Variants in COA1 observed in about 807,000 individuals in gnomAD.
COA1 encodes cytochrome c oxidase assembly factor 1 homolog.
A neutral mutation model predicts 16.0 loss-of-function variants in COA1; 13 were observed. The ratio of observed to expected loss-of-function variants is 0.81; its 90% CI spans 0.53 to 1.29. The LOEUF (loss-of-function observed/expected upper bound fraction) is 1.29, where lower values mean the gene tolerates loss of function less well. Among genes scored for constraint, COA1 ranks in the 50% most tolerant of loss-of-function variants. The pLI is 0.00. For synonymous variants in COA1, 65 were observed against 65.7 expected (o/e 0.99, Z 0.05); for missense variants, 179 against 177.0 (o/e 1.01, Z -0.06).
chr7:43,728,306 G>C (rs1007966403), intron 1 of COA1, among the ~76,000 whole-genome samples: 1 of 152,166 alleles, frequency 6.6e-6, no homozygotes, highest in Non-Finnish European at 1.5e-5. Flanking sequence ...TGAACTATGT[G>C]TCAGGAAGCT....
At chr7:43,642,439 G>C (rs1440145793) in intron 4 of COA1, among the ~76,000 whole-genome samples, 4 of 152,070 alleles carry the variant, frequency 2.6e-5, no homozygotes, top group Admixed American at 2.0e-4. Context: ...AACAGAGCAA[G>C]GTTCCATCTC....
chr7:43,724,364 C>A (rs1312124254), intron 1 of COA1, among the ~76,000 whole-genome samples: 1 of 151,880 alleles, frequency 6.6e-6, no homozygotes, highest in East Asian at 1.9e-4. Context: ...ACCAGCCTGG[C>A]CAACATAGCA....
At chr7:43,703,547 A>C (rs888445801) in intron 1 of COA1, among the ~76,000 whole-genome samples, 1 of 152,144 alleles carries the variant, frequency 6.6e-6, no homozygotes, top group African/African-American at 2.4e-5. Context: ...GGATCATTAA[A>C]TCTTCTAGTT....
chr7:43,660,348 G>T (rs1279049329), intron 1 of COA1, among the ~76,000 whole-genome samples: 2 of 152,012 alleles, frequency 1.3e-5, no homozygotes, highest in East Asian at 3.9e-4. Flanking sequence ...CTCCACACCA[G>T]GTCTCCCCTT....
At chr7:43,691,947 C>A (rs1386657311) in intron 1 of COA1, among the ~76,000 whole-genome samples, 2 of 152,152 alleles carry the variant, frequency 1.3e-5, no homozygotes, top group Non-Finnish European at 2.9e-5. Flanking sequence ...AGGAATCGCA[C>A]CCACTTGTGC....
intron 1 of COA1, among the ~76,000 whole-genome samples, chr7:43,653,169 A>G (rs2153117433): frequency 6.6e-6 from 1 of 152,220 alleles, no homozygotes; most frequent in Admixed American, 6.5e-5. Context: ...AAAATTAGCC[A>G]GGCATAGTGG....
At chr7:43,702,519 C>T (rs992043307) in intron 1 of COA1, among the ~76,000 whole-genome samples, 1 of 152,068 alleles carries the variant, frequency 6.6e-6, no homozygotes, top group Non-Finnish European at 1.5e-5. Flanking sequence ...AGTTTGAAGT[C>T]GGATAATATG....
intron 1 of COA1, among the ~76,000 whole-genome samples, chr7:43,653,075 G>A (rs62461087): frequency 0.085 from 12,997 of 152,218 alleles, 652 homozygotes; most frequent in East Asian, 0.18. Flanking sequence ...CACTTTGGGA[G>A]GCCGAGGCGG....
At chr7:43,691,469 GAAAGAA>G (rs1253059481) in intron 1 of COA1, among the ~76,000 whole-genome samples, 2 of 134,460 alleles carry the variant, frequency 1.5e-5, no homozygotes, top group Non-Finnish European at 3.2e-5. Context: ...AAGAAAGAAA[GAAAGAA>G]AGAAATTATC....
At chr7:43,624,954 C>G in intron 6 of COA1, 2 of 984,096 alleles carry the variant, frequency 2.0e-6, no homozygotes, top group Non-Finnish European at 2.9e-6. Flanking sequence ...GTATCACTTA[C>G]ACAAACAAAA....
At chr7:43,709,481 T>G (rs1486261113) in intron 1 of COA1, among the ~76,000 whole-genome samples, 1 of 149,634 alleles carries the variant, frequency 6.7e-6, no homozygotes, top group Non-Finnish European at 1.5e-5. Context: ...TGTATACGCA[T>G]GAACATGCAT....
chr7:43,632,768 T>TGA (rs2153041971), intron 6 of COA1: 1 of 152,302 alleles, frequency 6.6e-6, no homozygotes, highest in African/African-American at 2.4e-5. Context: ...AGGCTGGTCT[T>TGA]GAACTCCTGG....
In COA1 at chr7:43,642,571, T is replaced by TA. The variant is rs944403324; in HGVS notation, c.265-1923dup. On this transcript the variant is annotated intron_variant, in intron 4 of 5. Transcript: ENST00000223336. The stretch of plus-strand genomic sequence containing the variant: ...ATACACTGAGCATCTCTGGATGCTT[T>TA]AAAAAAAAATTTAAAAAGGAAGGAG... 2.3e-3 allele frequency among the ~76,000 whole-genome samples: 343 copies of TA among 151,930 alleles called. 2 individuals carry two copies. Among genetic ancestry groups the TA allele is most frequent in the African/African-American group, 7.8e-3 (325 of 41,428 alleles).
chr7:43,702,480 C>T (rs1193565198), intron 1 of COA1, among the ~76,000 whole-genome samples: 1 of 152,078 alleles, frequency 6.6e-6, no homozygotes, highest in Non-Finnish European at 1.5e-5. Flanking sequence ...TGGTACTATG[C>T]TGTTTTGGTT....
chr7:43,639,620 G>A lies in COA1; in HGVS notation c.403C>T (p.Leu135Phe). The part of the protein sequence containing the change: ...KDGQQIPVFK[L>F]SGENGDEVKK... ...ACTTCATCACCGTTTTCCCCACTGA[G>A]CTTGAACACAGGAATCTGCTGACCA... Residue 135 changes from leucine (L) to phenylalanine (F), a missense_variant, in exon 6 of 6, where the codon CTC becomes TTC. Transcript: ENST00000223336. 6.2e-7 allele frequency: 1 copy of A among 1,614,012 alleles called. No homozygotes were observed. Among genetic ancestry groups the A allele is most frequent in the Non-Finnish European group, 8.5e-7 (1 of 1,179,952 alleles).
chr7:43,633,452 C>G (rs10951738), intron 6 of COA1: 97,141 of 152,062 alleles, frequency 0.64, 32,351 homozygotes, highest in African/African-American at 0.82. Flanking sequence ...ATTAGTGGAG[C>G]AGTCAGAACA....
rs150171733 is a variant in COA1 at position 43,672,510 on chromosome 7, G to A, written c.-38-23858C>T. Reference sequence around the variant, plus strand: ...CAACAGGCCAGGCACAGTGGCTCACGCCTGTAATCCCAACACTTTGGGAGG... The same window carrying A: ...CAACAGGCCAGGCACAGTGGCTCACACCTGTAATCCCAACACTTTGGGAGG... On this transcript the variant is annotated intron_variant, in intron 1 of 5. Coordinates refer to ENST00000223336, the MANE Select transcript of COA1 (RefSeq NM_018224.4). Among the ~76,000 whole-genome samples the A allele has an allele frequency of 5.8e-3, 881 of 152,230 alleles. 6 individuals carry two copies. The highest frequency in any genetic ancestry group is 0.02 in the African/African-American group (831 of 41,530).
rs369800416 is a variant in COA1 at position 43,661,463 on chromosome 7, G to A, written c.-38-12811C>T. Reference sequence around the variant, plus strand: ...ATTCTGGCTAACACAGTGAAACCCCGTCTCTACTAAAAATACAAAAAATTA... The same window carrying A: ...ATTCTGGCTAACACAGTGAAACCCCATCTCTACTAAAAATACAAAAAATTA... On this transcript the variant is annotated intron_variant, in intron 1 of 5. Transcript: ENST00000223336. Among the ~76,000 whole-genome samples, 88 of 152,226 alleles carry A rather than the reference G, an allele frequency of 5.8e-4. 2 individuals are homozygous for A. In the East Asian group the frequency reaches 0.013, roughly 22 times the overall value.
rs149538137 is a variant in COA1 at position 43,703,403 on chromosome 7, T to C, written c.-39+26026A>G. Among the ~76,000 whole-genome samples, 79 of 152,352 alleles carry C rather than the reference T, an allele frequency of 5.2e-4. No individual in the cohort carries two copies. In the East Asian group the frequency reaches 0.012, roughly 23 times the overall value. ...CAAATATCTTTATTAGTTTTCTGCA[T>C]TGATGCTCTAACACTGTCAGCAGGG... On this transcript the variant is annotated intron_variant, in intron 1 of 5. Coordinates refer to ENST00000223336, the MANE Select transcript of COA1 (RefSeq NM_018224.4).
Sources: allele counts gnomAD v4.1 joint callset (sites outside exome capture counted in the v4.1 genomes callset), GRCh38; gene constraint gnomAD v4.1.1; transcripts MANE v1.5; gene names NCBI Gene and HGNC (gene_info 2026-07-23, HGNC 2026-07-21).